Variants in KCNH1 observed in about 807,000 individuals in gnomAD.
KCNH1 encodes the protein potassium voltage-gated channel subfamily H member 1.
KCNH1 carries 27 observed loss-of-function variants against 69.2 expected under a neutral mutation model. The observed-to-expected ratio is 0.39, with a 90% CI of 0.29 to 0.54. KCNH1 has a LOEUF of 0.54. Ranked by LOEUF, KCNH1 falls within the 20% of genes least tolerant of loss-of-function variation. The pLI is 0.68. For missense variants in KCNH1, 798 were observed against 1,261.6 expected (o/e 0.63, Z 5.57); for synonymous variants, 456 against 487.7 (o/e 0.93, Z 0.86).
rs376053269 is a variant in KCNH1, at chr1:210,814,163, A to C, written c.1463-9997T>G. ...TGCTAGCAGATCAATCCAGCATAGG[A>C]GGAGGACGCACAGGAGAATGCTGAG... On this transcript the variant is annotated intron_variant, in intron 7 of 10. Transcript: ENST00000271751. 3.3e-5 allele frequency among the ~76,000 whole-genome samples: 5 copies of C among 152,288 alleles called. No homozygotes were observed. In the East Asian group the frequency reaches 9.6e-4, roughly 29 times the overall value.
chr1:210,717,927 T>A (rs1273654017), intron 10 of KCNH1, among the ~76,000 whole-genome samples: 1 of 152,024 alleles, frequency 6.6e-6, no homozygotes, highest in African/African-American at 2.4e-5. Flanking sequence ...GCCAACATAG[T>A]GAAACCCCAT....
chr1:210,756,645 C>T (rs552324595), intron 10 of KCNH1, among the ~76,000 whole-genome samples: 1 of 152,310 alleles, frequency 6.6e-6, no homozygotes, highest in South Asian at 2.1e-4. Context: ...TGAGGAGCCA[C>T]TGGGACTCTA....
chr1:210,859,295 G>A, intron 7 of KCNH1: 1 of 1,556,210 alleles, frequency 6.4e-7, no homozygotes, highest in Non-Finnish European at 8.9e-7. Flanking sequence ...TCTTTGATTG[G>A]CCAGAGTTAC....
chr1:210,717,551 C>T (rs6677467), intron 10 of KCNH1, among the ~76,000 whole-genome samples: 2,200 of 152,264 alleles, frequency 0.014, 48 homozygotes, highest in African/African-American at 0.05. Context: ...TAGATCCAAA[C>T]GGCTAGGAAC....
intron 7 of KCNH1, among the ~76,000 whole-genome samples, chr1:210,815,394 T>C (rs1490820567): frequency 6.6e-6 from 1 of 152,184 alleles, no homozygotes; most frequent in African/African-American, 2.4e-5. Flanking sequence ...ACAATGGCCA[T>C]GAAGCCAGGT....
At chr1:211,018,704 A>T in intron 6 of KCNH1, 79 bp downstream of exon 6, 1 of 1,090,328 alleles carries the variant, frequency 9.2e-7, no homozygotes, top group Non-Finnish European at 1.4e-6. Context: ...CCACCCATTT[A>T]ATTATTCTTC....
chr1:210,749,918 T>C (rs935981265), intron 10 of KCNH1, among the ~76,000 whole-genome samples: 1 of 152,120 alleles, frequency 6.6e-6, no homozygotes, highest in African/African-American at 2.4e-5. Context: ...AATTTTTGTA[T>C]TTTTAGTAGA....
chr1:210,796,852 A>G (rs1684325637), intron 9 of KCNH1, among the ~76,000 whole-genome samples: 1 of 152,012 alleles, frequency 6.6e-6, no homozygotes, highest in African/African-American at 2.4e-5. Flanking sequence ...AGCTGCAACT[A>G]CTGTCATCTT....
intron 7 of KCNH1, among the ~76,000 whole-genome samples, chr1:210,839,845 T>C (rs1389123939): frequency 6.6e-6 from 1 of 152,194 alleles, no homozygotes; most frequent in African/African-American, 2.4e-5. Context: ...TTGGGAAAAG[T>C]TGCCTTAGCA....
intron 5 of KCNH1, among the ~76,000 whole-genome samples, chr1:211,066,766 A>G (rs1436097110): frequency 6.6e-6 from 1 of 152,244 alleles, no homozygotes; most frequent in Non-Finnish European, 1.5e-5. Flanking sequence ...TAAGTTGCCA[A>G]ATAGACTGTA....
At chr1:210,767,224 T>C (rs1289955980) in intron 10 of KCNH1, among the ~76,000 whole-genome samples, 1 of 152,214 alleles carries the variant, frequency 6.6e-6, no homozygotes, top group Non-Finnish European at 1.5e-5. Context: ...AGCCTTCTAG[T>C]ATTAGCACAT....
intron 7 of KCNH1, among the ~76,000 whole-genome samples, chr1:210,857,336 A>G (rs1685874993): frequency 6.6e-6 from 1 of 152,140 alleles, no homozygotes. Context: ...AAATCACATC[A>G]TGAGTCATGG....
chr1:211,021,719 C>T (rs1430651161), intron 5 of KCNH1, among the ~76,000 whole-genome samples: 2 of 151,846 alleles, frequency 1.3e-5, no homozygotes, highest in African/African-American at 2.4e-5. Flanking sequence ...ATCAAAGGAA[C>T]AATTCCATTA....
intron 5 of KCNH1, among the ~76,000 whole-genome samples, chr1:211,056,231 C>G (rs1381877167): frequency 6.6e-6 from 1 of 152,158 alleles, no homozygotes; most frequent in Non-Finnish European, 1.5e-5. Flanking sequence ...GACTAAAGAG[C>G]CCTTGGGACT....
At chr1:210,990,809 A>G (rs1688922515) in intron 6 of KCNH1, among the ~76,000 whole-genome samples, 1 of 152,214 alleles carries the variant, frequency 6.6e-6, no homozygotes, top group Non-Finnish European at 1.5e-5. Flanking sequence ...TTAGTATTTC[A>G]TCCATTTTGA....
At chr1:210,902,699 A>T (rs1553357716) in intron 7 of KCNH1, among the ~76,000 whole-genome samples, 2 of 152,090 alleles carry the variant, frequency 1.3e-5, no homozygotes, top group Non-Finnish European at 2.9e-5. Context: ...AAAGCGGCAC[A>T]CTCTGTCCCC....
intron 7 of KCNH1, among the ~76,000 whole-genome samples, chr1:210,871,801 A>T (rs563780934): frequency 2.0e-5 from 3 of 149,732 alleles, no homozygotes; most frequent in Non-Finnish European, 3.0e-5. Context: ...CTATCGCAAG[A>T]ACAAAAAACC....
At chr1:210,867,644 ACCCCAAAAAGTCCCTTGTGC>A (rs1686143263) in intron 7 of KCNH1, among the ~76,000 whole-genome samples, 1 of 152,026 alleles carries the variant, frequency 6.6e-6, no homozygotes. Flanking sequence ...TATTTTTATT[ACCCCAAAAAGTCCCTTGTGC>A]CCCTCTGTCT....
At chr1:210,860,590 T>G in intron 7 of KCNH1, 1 of 853,972 alleles carries the variant, frequency 1.2e-6, no homozygotes, top group Non-Finnish European at 2.1e-6. Context: ...ACAGATCATT[T>G]TCTGAATTAC....
Sources: allele counts gnomAD v4.1 joint callset (sites outside exome capture counted in the v4.1 genomes callset), GRCh38; gene constraint gnomAD v4.1.1; transcripts MANE v1.5; gene names NCBI Gene and HGNC (gene_info 2026-07-23, HGNC 2026-07-21).